Variants in ABCA9 observed in about 807,000 individuals in gnomAD.
The protein encoded by ABCA9 is ATP-binding cassette sub-family A member 9.
Under a neutral mutation model 205.3 loss-of-function variants are expected in ABCA9, and 183 were observed. The ratio of observed to expected loss-of-function variants is 0.89; its 90% CI spans 0.79 to 1.01. The LOEUF (loss-of-function observed/expected upper bound fraction) is 1.01. Among genes scored for constraint, ABCA9 ranks in the 50% least tolerant of loss-of-function variants. The pLI, the probability that ABCA9 is intolerant of heterozygous loss-of-function variation, is 0.00. For missense variants in ABCA9, 1,805 were observed against 1,912.4 expected (o/e 0.94, Z 1.05); for synonymous variants, 651 against 683.3 (o/e 0.95, Z 0.74).
chr17:68,997,608 T>G (rs1178437888), intron 25 of ABCA9, among the ~76,000 whole-genome samples: 1 of 147,402 alleles, frequency 6.8e-6, no homozygotes, highest in Non-Finnish European at 1.5e-5. Context: ...TTTTTTTTTT[T>G]TTGTTAAAAG....
At chr17:69,072,671 T>C in the ABCA9 span, among the ~76,000 whole-genome samples, 1 of 151,264 alleles carries the variant, frequency 6.6e-6, no homozygotes, top group Non-Finnish European at 1.5e-5. Context: ...CCATCAACAC[T>C]ATGAAGAAAC....
chr17:69,039,892 A>G (rs1409607567), intron 6 of ABCA9, among the ~76,000 whole-genome samples: 1 of 152,248 alleles, frequency 6.6e-6, no homozygotes, highest in South Asian at 2.1e-4. Flanking sequence ...AAAGTAGGCA[A>G]AGGATATGAA....
chr17:69,049,256 A>C, intron 3 of ABCA9, 27 bp downstream of exon 3: 99 of 1,532,286 alleles, frequency 6.5e-5, no homozygotes, highest in Non-Finnish European at 7.7e-5. Flanking sequence ...AAATAAGGAA[A>C]TTACTATGAA....
At chr17:69,039,576 A>G (rs1466133387) in intron 6 of ABCA9, among the ~76,000 whole-genome samples, 2 of 152,204 alleles carry the variant, frequency 1.3e-5, no homozygotes, top group Non-Finnish European at 2.9e-5. Context: ...TAAAGACTTG[A>G]ACATAAGATC....
chr17:68,995,274 T>C (rs1350601557), intron 26 of ABCA9, among the ~76,000 whole-genome samples: 1 of 152,170 alleles, frequency 6.6e-6, no homozygotes, highest in Non-Finnish European at 1.5e-5. Context: ...TTTTGTTCTC[T>C]TATCTCCCTG....
At chr17:69,032,955 G>C (rs372355601) in intron 9 of ABCA9, 2 of 151,772 alleles carry the variant, frequency 1.3e-5, no homozygotes, top group Non-Finnish European at 2.9e-5. Context: ...TAGTATATAC[G>C]AGGAATTGAC....
At chr17:69,070,728 G>A in the ABCA9 span, among the ~76,000 whole-genome samples, 4 of 152,310 alleles carry the variant, frequency 2.6e-5, no homozygotes, top group Non-Finnish European at 4.4e-5. Flanking sequence ...CACCTGGAAC[G>A]CCAGTGAGAC....
chr17:69,018,270 T>C, intron 20 of ABCA9, 143 bp downstream of exon 20: 1 of 715,524 alleles, frequency 1.4e-6, no homozygotes, highest in East Asian at 3.0e-5. Flanking sequence ...GTATTTTTCA[T>C]TTTTTAATTT....
upstream of ABCA9, among the ~76,000 whole-genome samples, chr17:69,065,692 T>C (rs891130811): frequency 2.0e-5 from 3 of 152,322 alleles, no homozygotes; most frequent in African/African-American, 7.2e-5. Context: ...TCCTTCAGGT[T>C]TCAGCTCTGA....
chr17:69,021,798 G>T lies in ABCA9; in HGVS notation c.2345C>A (p.Thr782Lys). 1.9e-6 allele frequency: 3 copies of T among 1,593,220 alleles called. No homozygotes were observed. Among genetic ancestry groups the T allele is most frequent in the South Asian group, 1.1e-5 (1 of 88,120 alleles). ...QGIEDYGVSI[T>K]TLNEVFLKLE... is the part of the protein sequence containing the mutation. ...TTTCAGAAACACCTCATTCAAAGTT[G>T]TTATGGAAACACCATAATCCTCAAT... The change falls in exon 18 of 39, where the codon ACA (threonine) becomes AAA (lysine). Residue 782 changes from threonine (T) to lysine (K), a missense_variant. Coordinates refer to ENST00000340001, the MANE Select transcript of ABCA9 (RefSeq NM_080283.4).
chr17:69,045,137 T>C (rs1175793176), intron 4 of ABCA9, 35 bp downstream of exon 4: 4 of 1,598,964 alleles, frequency 2.5e-6, no homozygotes, highest in Middle Eastern at 1.7e-4. Flanking sequence ...ACTGATACAA[T>C]AGCAAAAAAA....
intron 2 of ABCA9, among the ~76,000 whole-genome samples, chr17:69,050,501 G>A (rs1009977592): frequency 2.6e-4 from 39 of 152,046 alleles, no homozygotes; most frequent in African/African-American, 8.7e-4. Context: ...ATGATCAGAA[G>A]AAAATAAGTA....
Position 69,027,663 on chromosome 17 carries a change from A to C in ABCA9, c.1768T>G (p.Leu590Val), listed in dbSNP as rs767942806. 19 of 1,613,400 alleles carry C rather than the reference A, an allele frequency of 1.2e-5. No individual in the cohort carries two copies. Among genetic ancestry groups the C allele is most frequent in the Non-Finnish European group, 1.5e-5 (18 of 1,179,916 alleles). The change falls in exon 13 of 39, where the codon TTG (leucine) becomes GTG (valine). Residue 590 changes from leucine (L) to valine (V), a missense_variant. Physicochemically the swap from Leu to Val is conservative, Grantham distance 32. Coordinates refer to ENST00000340001, the MANE Select transcript of ABCA9 (RefSeq NM_080283.4). ...LRLFAKIKGI[L>V]PHEVEKEVQR... The stretch of plus-strand genomic sequence containing the variant: ...ACCTCTTTCTCCACTTCATGTGGCA[A>C]AATCCCTTTTATTTTAGCAAACAGC...
intron 25 of ABCA9, among the ~76,000 whole-genome samples, chr17:69,003,232 G>C (rs1367941341): frequency 6.6e-6 from 1 of 151,956 alleles, no homozygotes; most frequent in East Asian, 1.9e-4. Context: ...TTACATTTTG[G>C]CATGATTTTG....
the ABCA9 span, among the ~76,000 whole-genome samples, chr17:69,076,975 C>T: frequency 6.6e-6 from 1 of 151,526 alleles, no homozygotes; most frequent in East Asian, 1.9e-4. Flanking sequence ...TTTGGTTTCA[C>T]TTATTCTTCA....
At chr17:68,988,744 G>C (rs190051048) in intron 31 of ABCA9, among the ~76,000 whole-genome samples, 175 of 152,230 alleles carry the variant, frequency 1.1e-3, no homozygotes, top group African/African-American at 4.0e-3. Flanking sequence ...CAAAGTTCAT[G>C]GGATGCATAA....
the ABCA9 span, among the ~76,000 whole-genome samples, chr17:69,071,960 A>T: frequency 6.6e-6 from 1 of 152,220 alleles, no homozygotes; most frequent in Non-Finnish European, 1.5e-5. Flanking sequence ...CACAAGTATT[A>T]ATAGCTGAAT....
At chr17:69,019,605 T>C (rs758436963) in intron 19 of ABCA9, among the ~76,000 whole-genome samples, 14 of 152,198 alleles carry the variant, frequency 9.2e-5, no homozygotes, top group Non-Finnish European at 1.8e-4. Context: ...AAGGGTGGAC[T>C]GTCATGTCTG....
upstream of ABCA9, among the ~76,000 whole-genome samples, chr17:69,062,330 C>A (rs1471123632): frequency 6.6e-6 from 1 of 151,720 alleles, no homozygotes; most frequent in African/African-American, 2.4e-5. Context: ...GAACTTTGTA[C>A]CTAGGTTAGA....
Sources: allele counts gnomAD v4.1 joint callset (sites outside exome capture counted in the v4.1 genomes callset), GRCh38; gene constraint gnomAD v4.1.1; transcripts MANE v1.5; gene names NCBI Gene and HGNC (gene_info 2026-07-23, HGNC 2026-07-21).